Variants in SYNE1 observed in about 807,000 individuals in gnomAD.
SYNE1 encodes spectrin repeat containing nuclear envelope protein 1.
Under a neutral mutation model 1,111.0 loss-of-function variants are expected in SYNE1, and 616 were observed. The observed-to-expected ratio is 0.55, with a 90% CI of 0.52 to 0.59. The LOEUF (loss-of-function observed/expected upper bound fraction) is 0.59. Among genes scored for constraint, SYNE1 ranks in the 20% least tolerant of loss-of-function variants. The pLI, the probability that SYNE1 is intolerant of heterozygous loss-of-function variation, is 0.00. For synonymous variants in SYNE1, 3,855 were observed against 3,825.8 expected (o/e 1.01, Z -0.28); for missense variants, 10,006 against 10,417.0 (o/e 0.96, Z 1.72).
At position 152,316,965 on chromosome 6, in the gene SYNE1, A is replaced by G. The variant is rs1255031526; in HGVS notation, c.16594T>C (p.Tyr5532His). The change falls in exon 87 of 146, where the codon TAC becomes CAC. Residue 5532 changes from tyrosine to histidine, a missense_variant. This residue lies in a region of SYNE1 where 4,955 missense variants were observed against 5,017.2 expected (regional missense o/e 0.99). Transcript: ENST00000367255. The stretch of plus-strand genomic sequence containing the variant: ...AAAATTAATTCAAGCATTTCATTGT[A>G]TTCTTCTAAATGTGATGCTGCCTGA... ...LNQAASHLEE[Y>H]NEMLELILKW... The G allele has an allele frequency of 1.2e-6, 2 of 1,614,060 alleles. No individual in the cohort carries two copies. Among genetic ancestry groups the G allele is most frequent in the Admixed American group, 1.7e-5 (1 of 60,030 alleles).
At chr6:152,515,642 T>C (rs1249770380) in intron 6 of SYNE1, among the ~76,000 whole-genome samples, 1 of 152,220 alleles carries the variant, frequency 6.6e-6, no homozygotes, top group Non-Finnish European at 1.5e-5. Context: ...ACAGTTAGCC[T>C]GGAACTCACC....
intron 119 of SYNE1, 99 bp from the exon 120 acceptor site, chr6:152,219,284 C>T: frequency 8.6e-7 from 1 of 1,158,126 alleles, no homozygotes. Flanking sequence ...CACACCATTC[C>T]TACGGATCAT....
intron 110 of SYNE1, 65 bp from the exon 111 acceptor site, chr6:152,234,865 T>A: frequency 1.3e-6 from 2 of 1,562,436 alleles, no homozygotes; most frequent in Non-Finnish European, 1.8e-6. Flanking sequence ...TCACCTACGT[T>A]ACTCACCAAT....
At chr6:152,399,868 G>T in intron 47 of SYNE1, 45 bp from the exon 48 acceptor site, 1 of 1,580,058 alleles carries the variant, frequency 6.3e-7, no homozygotes, top group Non-Finnish European at 8.7e-7. Context: ...TAACTTGAGA[G>T]AAATACTCCA....
intron 106 of SYNE1, among the ~76,000 whole-genome samples, chr6:152,243,498 C>T (rs2086292609): frequency 6.6e-6 from 1 of 152,014 alleles, no homozygotes; most frequent in Non-Finnish European, 1.5e-5. Flanking sequence ...TTTAGCAGGC[C>T]AAAATGGTTC....
chr6:152,257,943 C>A (rs765342991), intron 101 of SYNE1, among the ~76,000 whole-genome samples: 5 of 151,986 alleles, frequency 3.3e-5, no homozygotes, highest in Non-Finnish European at 7.4e-5. Flanking sequence ...AATATGATAG[C>A]AGAACACTCA....
chr6:152,481,873 T>G (rs964227227), intron 14 of SYNE1, among the ~76,000 whole-genome samples: 1 of 151,394 alleles, frequency 6.6e-6, no homozygotes, highest in African/African-American at 2.4e-5. Flanking sequence ...AGGCCCCGCT[T>G]TTATTTGTGA....
intron 56 of SYNE1, among the ~76,000 whole-genome samples, chr6:152,377,321 T>C (rs887389529): frequency 6.6e-6 from 1 of 151,902 alleles, no homozygotes; most frequent in African/African-American, 2.4e-5. Context: ...TAAATATATA[T>C]ATTAAGGGCC....
chr6:152,497,945 T>C (rs1438279426), intron 11 of SYNE1, among the ~76,000 whole-genome samples: 2 of 152,128 alleles, frequency 1.3e-5, no homozygotes, highest in African/African-American at 4.8e-5. Flanking sequence ...TTCTCTCTCA[T>C]TCACTCATAC....
At chr6:152,196,597 G>A (rs1445253582) in intron 127 of SYNE1, among the ~76,000 whole-genome samples, 1 of 152,068 alleles carries the variant, frequency 6.6e-6, no homozygotes, top group Non-Finnish European at 1.5e-5. Flanking sequence ...ATGGAATGAA[G>A]GCTTCATGAC....
At position 152,554,177 on chromosome 6, in the gene SYNE1, T is replaced by C. The variant is rs564593981; in HGVS notation, c.68-14156A>G. Among the ~76,000 whole-genome samples the C allele has an allele frequency of 3.3e-4, 50 of 152,106 alleles. No individual in the cohort carries two copies. The South Asian group carries it at 9.2e-3, about 28-fold the overall frequency. ...CAGTCATCTGCTGCACCAGCTACAA[T>C]GTTAACTACTAAGCTCTAAAAATTT... On this transcript the variant is annotated intron_variant, in intron 3 of 145. Coordinates refer to ENST00000367255, the MANE Select transcript of SYNE1 (RefSeq NM_182961.4).
chr6:152,550,212 T>A (rs2099334200), intron 3 of SYNE1, among the ~76,000 whole-genome samples: 1 of 152,168 alleles, frequency 6.6e-6, no homozygotes, highest in Non-Finnish European at 1.5e-5. Context: ...AATTAAAGTA[T>A]CTTATGATGT....
chr6:152,571,681 G>A (rs1285172384), intron 3 of SYNE1, among the ~76,000 whole-genome samples: 16 of 152,020 alleles, frequency 1.1e-4, no homozygotes, highest in Admixed American at 1.1e-3. Flanking sequence ...AAAGAAAATG[G>A]GTCTCAGGAA....
At chr6:152,189,145 C>T (rs1014477023) in intron 128 of SYNE1, 107 bp downstream of exon 128, 6 of 1,179,916 alleles carry the variant, frequency 5.1e-6, no homozygotes, top group African/African-American at 3.0e-5. Flanking sequence ...TTTGTCCGTA[C>T]TAAGAATTAT....
intron 3 of SYNE1, among the ~76,000 whole-genome samples, chr6:152,589,035 T>C (rs1415818257): frequency 6.6e-6 from 1 of 152,134 alleles, no homozygotes; most frequent in East Asian, 1.9e-4. Flanking sequence ...CTGCAACCTC[T>C]ACCTCCCTGG....
intron 3 of SYNE1, among the ~76,000 whole-genome samples, chr6:152,550,994 C>G (rs898687108): frequency 6.6e-6 from 1 of 152,126 alleles, no homozygotes; most frequent in African/African-American, 2.4e-5. Flanking sequence ...AAAAACAGCA[C>G]AGCTTATTGT....
intron 130 of SYNE1, among the ~76,000 whole-genome samples, chr6:152,175,887 T>C (rs989276420): frequency 6.6e-5 from 10 of 152,180 alleles, no homozygotes; most frequent in Non-Finnish European, 8.8e-5. Context: ...CAAACACTTA[T>C]AGTTAGCACT....
In SYNE1 at chr6:152,218,896, T is replaced by C. The variant is rs78900103; in HGVS notation, c.22044+107A>G. 105,301 of 1,188,986 alleles carry C rather than the reference T, an allele frequency of 0.089. 5,438 individuals carry two copies. The highest frequency in any genetic ancestry group is 0.2 in the Admixed American group (11,362 of 57,210). The allele number at this position is 1,188,986 out of a possible 1,614,324, so 73.7% of individuals were successfully genotyped here. A position where few individuals can be genotyped will look rare whatever the true frequency, so the allele number is the denominator to read the frequency against. The stretch of plus-strand genomic sequence containing the variant: ...TTTGTTTACTTGCTATTTTCTTGAG[T>C]CTTGAAGGAGGCATTGTTGCCATGA... On this transcript the variant is annotated intron_variant, in intron 120 of 145. Coordinates refer to ENST00000367255, the MANE Select transcript of SYNE1 (RefSeq NM_182961.4).
chr6:152,576,453 G>A (rs1162339249), intron 3 of SYNE1, among the ~76,000 whole-genome samples: 2 of 152,080 alleles, frequency 1.3e-5, no homozygotes, highest in African/African-American at 4.8e-5. Flanking sequence ...ATGCAATTTG[G>A]TGTGTTTTCC....
Sources: gnomAD v4.1 joint callset for allele counts (sites outside exome capture counted in the v4.1 genomes callset) on GRCh38, gnomAD v4.1.1 for gene constraint, gnomAD v4.1.1 regional missense constraint, MANE v1.5 for transcripts, NCBI Gene and HGNC (gene_info 2026-07-23, HGNC 2026-07-21) for gene names.